Variants in UBE2U observed in about 807,000 individuals in gnomAD.
UBE2U encodes ubiquitin conjugating enzyme E2 U.
A neutral mutation model predicts 41.2 loss-of-function variants in UBE2U; 39 were observed. The ratio of observed to expected loss-of-function variants is 0.95; its 90% CI spans 0.73 to 1.24. UBE2U has a LOEUF of 1.24. Among genes scored for constraint, UBE2U ranks in the 50% most tolerant of loss-of-function variants. UBE2U has a pLI of 0.00. For synonymous variants in UBE2U, 107 were observed against 117.8 expected (o/e 0.91, Z 0.60); for missense variants, 336 against 363.1 (o/e 0.93, Z 0.61).
rs1331887797 is a variant in UBE2U at position 64,210,806 on chromosome 1, C to T, written c.306C>T (p.Asn102=). The change falls in exon 4 of 10, where the codon AAC becomes AAT. Residue 102 remains asparagine, a synonymous_variant. Transcript: ENST00000371077. ...ACAACCCTGAGAAGTGGAATACAAA[C>T]TATACATTGAGCAGCATCTTACTTG... ...FLDNPEKWNT[N]YTLSSILLAL... is the part of the protein sequence containing the mutation. The T allele has an allele frequency of 1.2e-6, 2 of 1,607,286 alleles. No homozygotes were observed. Among genetic ancestry groups the T allele is most frequent in the South Asian group, 1.1e-5 (1 of 90,114 alleles).
intron 8 of UBE2U, among the ~76,000 whole-genome samples, chr1:64,257,083 A>G (rs1040930621): frequency 1.3e-5 from 2 of 152,194 alleles, no homozygotes; most frequent in Non-Finnish European, 2.9e-5. Context: ...GCCAGTCAGA[A>G]TGGCGATTAT....
At chr1:64,227,961 A>G (rs1392400555) in intron 6 of UBE2U, among the ~76,000 whole-genome samples, 2 of 152,230 alleles carry the variant, frequency 1.3e-5, no homozygotes, top group South Asian at 2.1e-4. Flanking sequence ...GGCTTGGGAA[A>G]AACTCAATAT....
intron 7 of UBE2U, among the ~76,000 whole-genome samples, chr1:64,240,621 C>A (rs1301600449): frequency 1.3e-5 from 2 of 152,170 alleles, no homozygotes; most frequent in East Asian, 3.8e-4. Context: ...TCTTTAATGT[C>A]ATTTCCAACT....
intron 7 of UBE2U, among the ~76,000 whole-genome samples, chr1:64,240,787 G>A (rs1644822453): frequency 6.6e-6 from 1 of 151,744 alleles, no homozygotes; most frequent in African/African-American, 2.4e-5. Flanking sequence ...TTTGAGACAG[G>A]GTCTCACTCT....
intron 8 of UBE2U, among the ~76,000 whole-genome samples, chr1:64,242,141 C>T (rs1219774762): frequency 6.6e-6 from 1 of 152,038 alleles, no homozygotes; most frequent in African/African-American, 2.4e-5. Flanking sequence ...ATTGTTTCTT[C>T]TCCCACAGAT....
chr1:64,213,841 C>T (rs937073721), intron 4 of UBE2U, among the ~76,000 whole-genome samples: 1 of 152,116 alleles, frequency 6.6e-6, no homozygotes. Context: ...TTAATACATA[C>T]GAAGGCTATG....
intron 3 of UBE2U, among the ~76,000 whole-genome samples, chr1:64,209,682 C>G (rs1651545741): frequency 6.6e-6 from 1 of 151,216 alleles, no homozygotes; most frequent in African/African-American, 2.4e-5. Context: ...AACCCCCGCC[C>G]CCGCCCGCCC....
chr1:64,261,794 G>A (rs1645184130), intron 9 of UBE2U, among the ~76,000 whole-genome samples: 1 of 152,184 alleles, frequency 6.6e-6, no homozygotes, highest in Non-Finnish European at 1.5e-5. Flanking sequence ...GTTCACCAGT[G>A]GAAGAGATCA....
At position 64,267,268 on chromosome 1, in the gene UBE2U, C is replaced by A; in HGVS notation, c.*60C>A. The A allele has an allele frequency of 7.4e-7, 1 of 1,343,426 alleles. No individual in the cohort carries two copies. The highest frequency in any genetic ancestry group is 9.7e-7 in the Non-Finnish European group (1 of 1,025,992). 83.2% of individuals were successfully genotyped at this position (1,343,426 alleles called of 1,614,324 possible). A position where few individuals can be genotyped will look rare whatever the true frequency, so the allele number is the denominator to read the frequency against. ...TCCGCCATAGCCCAGCGTTGTGGAG[C>A]AATTTTGGAAGACTCTCAGAACTTG... On this transcript the variant is annotated 3_prime_UTR_variant, in exon 10 of 10. Coordinates refer to ENST00000371077, the MANE Select transcript of UBE2U (RefSeq NM_001366232.2).
intron 6 of UBE2U, among the ~76,000 whole-genome samples, chr1:64,231,575 C>A (rs997834794): frequency 1.3e-5 from 2 of 151,968 alleles, no homozygotes; most frequent in Non-Finnish European, 2.9e-5. Context: ...ACAACACTTT[C>A]GAAAAATGTT....
At chr1:64,235,748 C>T (rs1644654618) in intron 7 of UBE2U, among the ~76,000 whole-genome samples, 1 of 152,120 alleles carries the variant, frequency 6.6e-6, no homozygotes. Context: ...TAGTCGTTGG[C>T]ATCATCATAA....
chr1:64,210,927 A>AT, intron 4 of UBE2U, 88 bp downstream of exon 4: 7 of 847,410 alleles, frequency 8.3e-6, no homozygotes, highest in Non-Finnish European at 1.2e-5. Flanking sequence ...TACAATGCAT[A>AT]TTTAAGTGTT....
intron 8 of UBE2U, among the ~76,000 whole-genome samples, chr1:64,242,080 AAAAAACTATAT>A (rs1275798159): frequency 6.6e-6 from 1 of 152,102 alleles, no homozygotes; most frequent in Non-Finnish European, 1.5e-5. Context: ...AAAGAAAAGC[AAAAAACTATAT>A]ATCATCAATT....
At chr1:64,264,724 G>A (rs1645229360) in intron 9 of UBE2U, among the ~76,000 whole-genome samples, 2 of 152,086 alleles carry the variant, frequency 1.3e-5, no homozygotes, top group Non-Finnish European at 2.9e-5. Flanking sequence ...AGGCCAAGGT[G>A]GGTGGATCAC....
At chr1:64,257,038 A>G (rs1645105029) in intron 8 of UBE2U, among the ~76,000 whole-genome samples, 1 of 152,248 alleles carries the variant, frequency 6.6e-6, no homozygotes, top group Admixed American at 6.5e-5. Flanking sequence ...AATGTAAATC[A>G]AAACCACAAT....
At chr1:64,206,108 A>G (rs183267012) in intron 2 of UBE2U, among the ~76,000 whole-genome samples, 361 of 152,184 alleles carry the variant, frequency 2.4e-3, no homozygotes, top group African/African-American at 8.2e-3. Flanking sequence ...TTTTTCCTTT[A>G]TGATTTTCCC....
intron 2 of UBE2U, 84 bp downstream of exon 2, chr1:64,205,804 C>T (rs937945410): frequency 1.5e-5 from 16 of 1,051,358 alleles, no homozygotes; most frequent in African/African-American, 6.5e-5. Flanking sequence ...AGGATAAGGT[C>T]GCATTATATA....
chr1:64,220,406 C>T (rs1051457333), intron 5 of UBE2U, among the ~76,000 whole-genome samples: 1 of 152,174 alleles, frequency 6.6e-6, no homozygotes, highest in Admixed American at 6.5e-5. Context: ...CTACTGTCCT[C>T]CAGTCCTGAG....
intron 5 of UBE2U, among the ~76,000 whole-genome samples, chr1:64,218,279 G>A (rs1404885056): frequency 2.0e-5 from 3 of 152,140 alleles, no homozygotes; most frequent in African/African-American, 7.2e-5. Flanking sequence ...AAAAAACTGA[G>A]TTTAACAGCA....
Sources: allele counts gnomAD v4.1 joint callset (sites outside exome capture counted in the v4.1 genomes callset), GRCh38; gene constraint gnomAD v4.1.1; transcripts MANE v1.5; gene names NCBI Gene and HGNC (gene_info 2026-07-23, HGNC 2026-07-21).